The following CACNG4 variants were observed in gnomAD, a reference collection of about 807,000 sequenced individuals.
CACNG4 encodes the protein calcium voltage-gated channel auxiliary subunit gamma 4.
A neutral mutation model predicts 22.9 loss-of-function variants in CACNG4; 8 were observed. That is an observed-to-expected ratio of 0.35 (90% CI 0.21 to 0.63). The LOEUF (loss-of-function observed/expected upper bound fraction) is 0.63, where lower values mean the gene tolerates loss of function less well. Among genes scored for constraint, CACNG4 ranks in the 30% least tolerant of loss-of-function variants. The pLI, the probability that CACNG4 is intolerant of heterozygous loss-of-function variation, is 0.72. For missense variants in CACNG4, 357 were observed against 455.4 expected (o/e 0.78, Z 1.97); for synonymous variants, 188 against 191.9 (o/e 0.98, Z 0.17).
In CACNG4 at chr17:66,966,769, C is replaced by T. The variant is rs552116905; in HGVS notation, c.220+1638C>T. Among the ~76,000 whole-genome samples the T allele has an allele frequency of 8.7e-4, 133 of 152,272 alleles. 2 individuals are homozygous for T. The South Asian group carries it at 0.027, about 31-fold the overall frequency. The stretch of plus-strand genomic sequence containing the variant: ...TAACAGAAATGTGCAATCAGTAGTT[C>T]GAGAAACACAGCCACACAAAAGAGC... On this transcript the variant is annotated intron_variant, in intron 1 of 3. Coordinates refer to ENST00000262138, the MANE Select transcript of CACNG4 (RefSeq NM_014405.4).
chr17:67,008,602 C>T (rs1227504136), intron 1 of CACNG4, among the ~76,000 whole-genome samples: 2 of 152,130 alleles, frequency 1.3e-5, no homozygotes, highest in African/African-American at 4.8e-5. Context: ...TACCCCATCC[C>T]CACCGAAAAT....
chr17:67,009,297 A>G (rs2035454824), intron 1 of CACNG4, among the ~76,000 whole-genome samples: 1 of 152,126 alleles, frequency 6.6e-6, no homozygotes. Context: ...ACCCCAGAAA[A>G]CTAATGCACC....
chr17:67,029,445 C>T (rs1442448906), intron 3 of CACNG4, among the ~76,000 whole-genome samples: 4 of 150,010 alleles, frequency 2.7e-5, no homozygotes, highest in African/African-American at 7.4e-5. Flanking sequence ...GCCTGACTAA[C>T]GTGATAAAAT....
At chr17:67,026,498 ATGTGGTGTATGTGTGTGTATTT>A (rs1567760359) in intron 3 of CACNG4, among the ~76,000 whole-genome samples, 1 of 101,904 alleles carries the variant, frequency 9.8e-6, no homozygotes, top group Non-Finnish European at 1.8e-5. Context: ...TATTTGAGGA[ATGTGGTGTATGTGTGTGTATTT>A]GAGGACTGTG....
intron 1 of CACNG4, among the ~76,000 whole-genome samples, chr17:66,999,522 G>A (rs546895825): frequency 3.9e-5 from 6 of 152,280 alleles, no homozygotes; most frequent in African/African-American, 1.2e-4. Flanking sequence ...CAGTCACAGC[G>A]GAAGGCAAAG....
intron 1 of CACNG4, among the ~76,000 whole-genome samples, chr17:66,967,419 G>A (rs1448516304): frequency 6.6e-6 from 1 of 152,136 alleles, no homozygotes; most frequent in African/African-American, 2.4e-5. Context: ...AACCTGGGTG[G>A]GAACTGACAG....
intron 1 of CACNG4, among the ~76,000 whole-genome samples, chr17:66,965,415 G>A (rs1009356337): frequency 6.7e-6 from 1 of 150,012 alleles, no homozygotes; most frequent in African/African-American, 2.5e-5. Context: ...ACACCCCCTC[G>A]CCCACAGACA....
rs116087777 is a variant in CACNG4 at position 67,028,613 on chromosome 17, C to A, written c.446-1853C>A. ...GGATGGTAATTGAACTTACGTCAGG[C>A]GCCCTGTGTGCTGGGTGCTGTTGTG... On this transcript the variant is annotated intron_variant, in intron 3 of 3. Transcript: ENST00000262138. 2.5e-3 allele frequency among the ~76,000 whole-genome samples: 379 copies of A among 152,204 alleles called. 3 individuals carry two copies. The highest frequency in any genetic ancestry group is 9.0e-3 in the African/African-American group (374 of 41,518).
At chr17:66,999,519 A>G (rs3785590) in intron 1 of CACNG4, among the ~76,000 whole-genome samples, 37,775 of 152,068 alleles carry the variant, frequency 0.25, 8,166 homozygotes, top group African/African-American at 0.59. Context: ...TTACAGTCAC[A>G]GCGGAAGGCA....
At chr17:67,026,751 G>T (rs2035570227) in intron 3 of CACNG4, among the ~76,000 whole-genome samples, 1 of 151,394 alleles carries the variant, frequency 6.6e-6, no homozygotes, top group Admixed American at 6.6e-5. Context: ...GTTTGTGTGT[G>T]TGAGGACTAT....
At chr17:67,013,655 A>T (rs983552354) in intron 1 of CACNG4, among the ~76,000 whole-genome samples, 1 of 152,068 alleles carries the variant, frequency 6.6e-6, no homozygotes, top group African/African-American at 2.4e-5. Context: ...AAATACAAAA[A>T]TTAGCCAGGC....
At position 66,984,758 on chromosome 17, in the gene CACNG4, G is replaced by T. The variant is rs1410511013; in HGVS notation, c.220+19627G>T. On this transcript the variant is annotated intron_variant, in intron 1 of 3. Coordinates refer to ENST00000262138, the MANE Select transcript of CACNG4 (RefSeq NM_014405.4). The surrounding 1 kb of genome is among the most constrained non-coding windows in gnomAD (Gnocchi z 4.0). ...ATCCTCATAACCCCACAGGAAGGTG[G>T]GTTCTGTCACCCTGGATTCTTCACC... is the stretch of plus-strand genomic sequence containing the variant. Among the ~76,000 whole-genome samples, 1 of 152,072 alleles carries T rather than the reference G, an allele frequency of 6.6e-6. No homozygotes were observed. Among genetic ancestry groups the T allele is most frequent in the Non-Finnish European group, 1.5e-5 (1 of 68,022 alleles).
chr17:66,965,187 T>TAC, intron 1 of CACNG4, 56 bp downstream of exon 1: 12 of 755,414 alleles, frequency 1.6e-5, no homozygotes, highest in South Asian at 5.6e-5. Flanking sequence ...CACACACACA[T>TAC]ATACACACGC....
chr17:67,015,801 C>G (rs1205503345), intron 1 of CACNG4, among the ~76,000 whole-genome samples: 1 of 152,076 alleles, frequency 6.6e-6, no homozygotes, highest in Non-Finnish European at 1.5e-5. Context: ...TTTGCTTAGA[C>G]CTATGAAGTA....
intron 2 of CACNG4, among the ~76,000 whole-genome samples, chr17:67,018,935 T>C (rs1278380907): frequency 6.6e-6 from 1 of 151,760 alleles, no homozygotes; most frequent in Non-Finnish European, 1.5e-5. Context: ...ACAAGCTCAA[T>C]CCCAAATGAC....
rs868770194 is a variant in CACNG4, at chr17:67,027,664, C to T, written c.445+2664C>T. The stretch of plus-strand genomic sequence containing the variant: ...TTATTTAAGAAACCCTTTTCCAACT[C>T]GTGCTGAATACAGAGAGGGGAAGAA... On this transcript the variant is annotated intron_variant, in intron 3 of 3. Transcript: ENST00000262138. The surrounding 1 kb of genome is among the most constrained non-coding windows in gnomAD (Gnocchi z 4.3). Among the ~76,000 whole-genome samples, 15 of 152,130 alleles carry T rather than the reference C, an allele frequency of 9.9e-5. No homozygotes were observed. The highest frequency in any genetic ancestry group is 3.4e-4 in the African/African-American group (14 of 41,428).
At chr17:66,983,631 G>C (rs1054896632) in intron 1 of CACNG4, among the ~76,000 whole-genome samples, 1 of 152,218 alleles carries the variant, frequency 6.6e-6, no homozygotes, top group African/African-American at 2.4e-5. Flanking sequence ...GGATTCTGCT[G>C]TCAGACTGAG....
At chr17:67,025,173 G>A (rs2035556597) in intron 3 of CACNG4, among the ~76,000 whole-genome samples, 173 bp downstream of exon 3, 1 of 152,228 alleles carries the variant, frequency 6.6e-6, no homozygotes, top group African/African-American at 2.4e-5. Context: ...GGTGGATGGA[G>A]AATGGGGAGC....
rs2035608358 is a variant in CACNG4, at chr17:67,031,760, C to T, written c.*756C>T. 1 of 456,618 alleles carries T rather than the reference C, an allele frequency of 2.2e-6. No homozygotes were observed. Among genetic ancestry groups the T allele is most frequent in the East Asian group, 6.9e-5 (1 of 14,392 alleles). The allele number at this position is 456,618 out of a possible 1,614,324, so 28.3% of individuals were successfully genotyped here. ...AGAATGGGCAGGACAGACCCACTGA[C>T]TGGACTTCAGAGTCTGGAGGGTTCC... On this transcript the variant is annotated 3_prime_UTR_variant, in exon 4 of 4. Transcript: ENST00000262138. The surrounding 1 kb of genome is among the most constrained non-coding windows in gnomAD (Gnocchi z 4.0).
Sources: gnomAD v4.1 joint callset for allele counts (sites outside exome capture counted in the v4.1 genomes callset) on GRCh38, gnomAD v4.1.1 for gene constraint, Gnocchi (gnomAD v3.1) non-coding constraint, MANE v1.5 for transcripts, NCBI Gene and HGNC (gene_info 2026-07-23, HGNC 2026-07-21) for gene names.